Variants in MKNK1 observed in about 807,000 individuals in gnomAD.
MKNK1 encodes MAPK interacting serine/threonine kinase 1.
In MKNK1, 30 loss-of-function variants were observed where a neutral mutation model predicts 49.3. That is an observed-to-expected ratio of 0.61 (90% CI 0.46 to 0.83). MKNK1 has a LOEUF of 0.83. Ranked by LOEUF, MKNK1 falls within the 40% of genes least tolerant of loss-of-function variation. The pLI is 0.00. For synonymous variants in MKNK1, 176 were observed against 201.7 expected (o/e 0.87, Z 1.08); for missense variants, 423 against 524.7 (o/e 0.81, Z 1.89).
intron 7 of MKNK1, chr1:46,569,225 C>T (rs1669651104): frequency 1.3e-5 from 2 of 152,450 alleles, no homozygotes; most frequent in African/African-American, 2.4e-5. Flanking sequence ...GCTAGGCCCA[C>T]TGAGGGTTGC....
chr1:46,579,490 T>C (rs1394260767), intron 4 of MKNK1, among the ~76,000 whole-genome samples: 1 of 152,222 alleles, frequency 6.6e-6, no homozygotes, highest in African/African-American at 2.4e-5. Context: ...GTTAGAGCTC[T>C]AAGGGCTTCT....
intron 10 of MKNK1, 117 bp from the exon 11 acceptor site, chr1:46,561,759 G>A: frequency 8.4e-7 from 1 of 1,188,510 alleles, no homozygotes; most frequent in Non-Finnish European, 1.2e-6. Flanking sequence ...CTCATGGCTT[G>A]GGGATGCCAC....
chr1:46,581,239 A>C (rs890536079), intron 3 of MKNK1, among the ~76,000 whole-genome samples: 1 of 151,878 alleles, frequency 6.6e-6, no homozygotes, highest in Admixed American at 6.5e-5. Context: ...GAGGCTGGGC[A>C]TGGTGGCTCA....
At chr1:46,563,563 TTGAC>T (rs1668431761) in intron 9 of MKNK1, 1 of 152,210 alleles carries the variant, frequency 6.6e-6, no homozygotes. Flanking sequence ...CAAAACTAAT[TTGAC>T]TGAAAGATGG....
chr1:46,579,654 C>T (rs551205760), intron 4 of MKNK1, among the ~76,000 whole-genome samples: 3 of 152,288 alleles, frequency 2.0e-5, no homozygotes, highest in Non-Finnish European at 4.4e-5. Flanking sequence ...CAGGTAGCTT[C>T]TATTTCTAAC....
intron 7 of MKNK1, among the ~76,000 whole-genome samples, chr1:46,570,904 A>AT (rs1292076441): frequency 6.6e-6 from 1 of 152,392 alleles, no homozygotes; most frequent in East Asian, 1.9e-4. Flanking sequence ...TGCCTAGCAC[A>AT]TACCAAGTGC....
intron 7 of MKNK1, chr1:46,569,471 G>A (rs1669709469): frequency 6.6e-6 from 1 of 152,238 alleles, no homozygotes; most frequent in Non-Finnish European, 1.5e-5. Context: ...ACAGAGACAG[G>A]GCTGGAAGGC....
At chr1:46,564,758 A>C (rs1212265728) in intron 9 of MKNK1, among the ~76,000 whole-genome samples, 1 of 152,074 alleles carries the variant, frequency 6.6e-6, no homozygotes, top group Non-Finnish European at 1.5e-5. Flanking sequence ...TACAGGCATG[A>C]GCCATTGCAA....
intron 12 of MKNK1, chr1:46,559,884 C>T (rs1199451839): frequency 2.7e-6 from 1 of 374,986 alleles, no homozygotes; most frequent in Non-Finnish European, 5.0e-6. Flanking sequence ...ACTTCTGCTC[C>T]TTTCATTAAA....
At chr1:46,562,256 G>A (rs1485964178) in intron 10 of MKNK1, among the ~76,000 whole-genome samples, 1 of 151,974 alleles carries the variant, frequency 6.6e-6, no homozygotes, top group African/African-American at 2.4e-5. Context: ...TTAGCCAGAC[G>A]TGGTGGCCGG....
Position 46,558,723 on chromosome 1 carries a change from T to C in MKNK1, c.1091A>G (p.Glu364Gly). The change falls in exon 13 of 13, where the codon GAG (glutamate) becomes GGG (glycine). Residue 364 changes from glutamate (E) to glycine (G), a missense_variant. By Grantham distance (98) the Glu-to-Gly change is moderately conservative. Coordinates refer to ENST00000371945, the MANE Select transcript of MKNK1 (RefSeq NM_001135553.4). ...ALNRQLSQHE[E>G]NELAEEPEAL... ...CTCTGGCTCCTCTGCTAGTTCGTTC[T>C]CTTCGTGCTGAGATAGCTGGCGGTT... is the stretch of plus-strand genomic sequence containing the variant. The C allele has an allele frequency of 6.2e-7, 1 of 1,614,276 alleles. No homozygotes were observed.
At position 46,562,626 on chromosome 1, in the gene MKNK1, G is replaced by C. The variant is rs531424417; in HGVS notation, c.804+23C>G. On this transcript the variant is annotated intron_variant, in intron 10 of 12. Coordinates refer to ENST00000371945, the MANE Select transcript of MKNK1 (RefSeq NM_001135553.4). ...ACTGACCCCTAGCAGGGTCTACGCA[G>C]TGCTCCCTGGGGCCGCACTCACCTG... 2.6e-6 allele frequency: 4 copies of C among 1,547,856 alleles called. No individual in the cohort carries two copies. The African/African-American group carries it at 4.1e-5, about 16-fold the overall frequency.
chr1:46,601,424 C>T (rs182954277), intron 1 of MKNK1, among the ~76,000 whole-genome samples: 1 of 152,318 alleles, frequency 6.6e-6, no homozygotes, highest in African/African-American at 2.4e-5. Flanking sequence ...CCACTGTTTC[C>T]CAAGGCCAAG....
intron 11 of MKNK1, 137 bp from the exon 12 acceptor site, chr1:46,560,414 T>C (rs1667743869): frequency 1.1e-6 from 1 of 897,338 alleles, no homozygotes; most frequent in African/African-American, 1.6e-5. Context: ...GCTTGCAGGG[T>C]CAGGCCTTCC....
At chr1:46,597,413 C>T (rs7556481) in intron 1 of MKNK1, among the ~76,000 whole-genome samples, 39,344 of 151,992 alleles carry the variant, frequency 0.26, 5,116 homozygotes, top group Admixed American at 0.33. Flanking sequence ...GCATCTCTAC[C>T]CTTGGTCCAA....
chr1:46,577,344 G>A (rs1410066761), intron 4 of MKNK1, among the ~76,000 whole-genome samples: 1 of 152,144 alleles, frequency 6.6e-6, no homozygotes, highest in African/African-American at 2.4e-5. Context: ...AGCCAGGCGT[G>A]GTAGTGGGTG....
At chr1:46,562,893 C>G (rs1668292324) in intron 9 of MKNK1, 50 bp from the exon 10 acceptor site, 1 of 1,468,138 alleles carries the variant, frequency 6.8e-7, no homozygotes, top group Non-Finnish European at 9.3e-7. Context: ...AACAGAGAGG[C>G]TTAGTTACAG....
chr1:46,559,913 C>G (rs971176923), intron 12 of MKNK1: 16 of 451,926 alleles, frequency 3.5e-5, no homozygotes, highest in South Asian at 2.5e-4. Flanking sequence ...CAGAGGGAAG[C>G]CTTGTGTGAA....
In MKNK1 at chr1:46,580,446, T is replaced by C. The variant is rs144599047; in HGVS notation, c.198+84A>G. 1.2e-4 allele frequency: 114 copies of C among 960,234 alleles called. No individual in the cohort carries two copies. In the African/African-American group the frequency reaches 1.6e-3, roughly 14 times the overall value. 59.5% of individuals were successfully genotyped at this position (960,234 alleles called of 1,614,324 possible). Reference sequence around the variant, plus strand: ...TACAGCTTCAGAGTCCCCATTCTTATGGAATATAACATTTATTTGGTTCAA... The same window carrying C: ...TACAGCTTCAGAGTCCCCATTCTTACGGAATATAACATTTATTTGGTTCAA... On this transcript the variant is annotated intron_variant, in intron 4 of 12. Transcript: ENST00000371945.
Sources: gnomAD v4.1 joint callset for allele counts (sites outside exome capture counted in the v4.1 genomes callset) on GRCh38, gnomAD v4.1.1 for gene constraint, MANE v1.5 for transcripts, NCBI Gene and HGNC (gene_info 2026-07-23, HGNC 2026-07-21) for gene names.